The following SSC5D variants were observed in gnomAD, a reference collection of about 807,000 sequenced individuals.
SSC5D encodes scavenger receptor cysteine rich family member with 5 domains.
SSC5D carries 106 observed loss-of-function variants against 104.6 expected under a neutral mutation model. That is an observed-to-expected ratio of 1.01 (90% CI 0.87 to 1.19). The LOEUF (loss-of-function observed/expected upper bound fraction) is 1.19. SSC5D is among the 50% of genes most tolerant of loss of function. SSC5D has a pLI of 0.00. For missense variants in SSC5D, 1,993 were observed against 2,153.8 expected (o/e 0.93, Z 1.48); for synonymous variants, 860 against 883.5 (o/e 0.97, Z 0.47).
rs1987962616 is a variant in SSC5D, at chr19:55,518,976, G to C, written c.4700G>C (p.Arg1567Thr). The C allele has an allele frequency of 6.5e-7, 1 of 1,550,242 alleles. No homozygotes were observed. The highest frequency in any genetic ancestry group is 1.2e-5 in the South Asian group (1 of 84,060). The change falls in exon 14 of 14, where the codon AGA becomes ACA. Residue 1567 changes from arginine to threonine, a missense_variant. Transcript: ENST00000389623. ...PTTTTPEEEE[R>T]PLRGDV ...ACCACTACCCCAGAGGAAGAAGAAA[G>C]ACCCCTGAGGGGAGACGTGTGACCC... is the stretch of plus-strand genomic sequence containing the variant.
At position 55,518,639 on chromosome 19, in the gene SSC5D, G is replaced by A; in HGVS notation, c.4363G>A (p.Asp1455Asn). The A allele has an allele frequency of 6.9e-7, 1 of 1,445,858 alleles. No homozygotes were observed. The highest frequency in any genetic ancestry group is 1.3e-5 in the South Asian group (1 of 75,162). The allele number at this position is 1,445,858 out of a possible 1,614,324, so 89.6% of individuals were successfully genotyped here. ...TAHPLDHPPLDPLTLGPTPGQ... is the reference protein window; with the variant it reads ...TAHPLDHPPLNPLTLGPTPGQ... Reference sequence around the variant, plus strand: ...CCACCCCTTGGATCATCCTCCCCTTGACCCCCTCACCCTAGGGCCAACTCC... The same window carrying A: ...CCACCCCTTGGATCATCCTCCCCTTAACCCCCTCACCCTAGGGCCAACTCC... The change falls in exon 14 of 14, where the codon GAC becomes AAC. Residue 1455 changes from aspartate to asparagine, a missense_variant. By Grantham distance (23) the Asp-to-Asn change is conservative (BLOSUM62 1). Around this residue, in one of 6 missense-constraint regions of SSC5D, gnomAD observed 349 missense variants for 397.6 expected, o/e 0.88. Transcript: ENST00000389623.
At chr19:55,491,854 C>T (rs1025485341) in intron 6 of SSC5D, 1 of 152,386 alleles carries the variant, frequency 6.6e-6, no homozygotes, top group Non-Finnish European at 1.5e-5. Context: ...CGGCAGGCCC[C>T]ACCCTGCTGG....
In SSC5D at chr19:55,489,973, G is replaced by A. The variant is rs745431604; in HGVS notation, c.453G>A (p.Thr151=). 7.8e-5 allele frequency: 121 copies of A among 1,549,000 alleles called. No homozygotes were observed. Among genetic ancestry groups the A allele is most frequent in the Non-Finnish European group, 9.5e-5 (109 of 1,146,476 alleles). The part of the protein sequence containing the change: ...PGLLLELSPS[T]EEPLVTHAPR... Reference sequence around the variant, plus strand: ...TGTTGCTGGAGCTGAGCCCCAGCACGGAGGAGCCCCTGGTGACACATGGTG... The same window carrying A: ...TGTTGCTGGAGCTGAGCCCCAGCACAGAGGAGCCCCTGGTGACACATGGTG... The change falls in exon 4 of 14, where the codon ACG becomes ACA. Residue 151 remains threonine, a synonymous_variant. Coordinates refer to ENST00000389623, the MANE Select transcript of SSC5D (RefSeq NM_001144950.2).
Position 55,489,983 on chromosome 19 carries a change from C to T in SSC5D, c.463C>T (p.Leu155=). The stretch of plus-strand genomic sequence containing the variant: ...GCTGAGCCCCAGCACGGAGGAGCCC[C>T]TGGTGACACATGGTGAGCCCAGGGG... ...LELSPSTEEP[L]VTHAPRPAGN... is the part of the protein sequence containing the mutation. The change falls in exon 4 of 14, where the codon CTG becomes TTG. Residue 155 remains leucine, a synonymous_variant. Transcript: ENST00000389623. The T allele has an allele frequency of 6.5e-7, 1 of 1,549,246 alleles. No individual in the cohort carries two copies. The highest frequency in any genetic ancestry group is 8.7e-7 in the Non-Finnish European group (1 of 1,146,478).
At chr19:55,491,510 C>G (rs1326607874) in intron 6 of SSC5D, 1 of 164,440 alleles carries the variant, frequency 6.1e-6, no homozygotes, top group African/African-American at 2.4e-5. Context: ...CTGCTCCTTC[C>G]CCATCCTCAA....
In SSC5D at chr19:55,501,210, C is replaced by T. The variant is rs769329996; in HGVS notation, c.2785+9C>T. 4 of 1,508,360 alleles carry T rather than the reference C, an allele frequency of 2.7e-6. No individual in the cohort carries two copies. Among genetic ancestry groups the T allele is most frequent in the African/African-American group, 1.4e-5 (1 of 71,142 alleles). 93.4% of individuals were successfully genotyped at this position (1,508,360 alleles called of 1,614,324 possible). A position where few individuals can be genotyped will look rare whatever the true frequency, so the allele number is the denominator to read the frequency against. On this transcript the variant is annotated intron_variant, in intron 12 of 13. Coordinates refer to ENST00000389623, the MANE Select transcript of SSC5D (RefSeq NM_001144950.2). The stretch of plus-strand genomic sequence containing the variant: ...GCGCCTGCCGGACACAGGTGAGAGG[C>T]CTGATTGGGGTGGCCATGGAGGGCC...
At position 55,495,901 on chromosome 19, in the gene SSC5D, ATTTTT is replaced by A. The variant is rs36109915; in HGVS notation, c.1387+1136_1387+1140del. ...CAGCTGCATGCCACCGAGCCTGGCT[ATTTTT>A]TTTTTTTTTTTTTTTTTGTAGAGAC... On this transcript the variant is annotated intron_variant, in intron 8 of 13. Transcript: ENST00000389623. Among the ~76,000 whole-genome samples the A allele has an allele frequency of 3.0e-3, 300 of 98,702 alleles. 2 individuals are homozygous for A. Among genetic ancestry groups the A allele is most frequent in the African/African-American group, 0.012 (294 of 24,494 alleles). The allele number at this position is 98,702 out of a possible 152,430, so 64.8% of individuals were successfully genotyped here.
chr19:55,504,858 G>C (rs1368899153), intron 12 of SSC5D, among the ~76,000 whole-genome samples: 3 of 152,168 alleles, frequency 2.0e-5, no homozygotes, highest in Admixed American at 6.5e-5. Flanking sequence ...TGGAACGAGA[G>C]CTCACCTAGT....
At chr19:55,510,448 A>G (rs534516320) in intron 12 of SSC5D, among the ~76,000 whole-genome samples, 62 of 152,340 alleles carry the variant, frequency 4.1e-4, no homozygotes, top group South Asian at 1.4e-3. Context: ...TCCCAGGTTC[A>G]AGTGATTTTC....
chr19:55,518,486 C>A lies in SSC5D; in HGVS notation c.4210C>A (p.Pro1404Thr). ...SRSSTATSMD[P>T]LSTEDFKPPR... ...GTCCTCCACAGCCACAAGCATGGACCCACTGTCCACTGAGGACTTCAAGCC... is the reference window on the plus strand; with the variant it reads ...GTCCTCCACAGCCACAAGCATGGACACACTGTCCACTGAGGACTTCAAGCC... Residue 1404 changes from proline to threonine, a missense_variant, in exon 14 of 14, where the codon CCA becomes ACA. Transcript: ENST00000389623. 1 of 1,551,388 alleles carries A rather than the reference C, an allele frequency of 6.4e-7. No individual in the cohort carries two copies. The highest frequency in any genetic ancestry group is 8.7e-7 in the Non-Finnish European group (1 of 1,146,948).
intron 4 of SSC5D, 114 bp downstream of exon 4, chr19:55,490,109 G>C (rs111612647): frequency 6.3e-5 from 32 of 506,882 alleles, no homozygotes; most frequent in Middle Eastern, 5.3e-4. Context: ...TGCCCCCACC[G>C]AGGGGAGAGG....
At chr19:55,504,978 G>A (rs893403827) in intron 12 of SSC5D, among the ~76,000 whole-genome samples, 1 of 152,124 alleles carries the variant, frequency 6.6e-6, no homozygotes, top group African/African-American at 2.4e-5. Context: ...TAGGAGCCAC[G>A]ATTATAACCT....
At chr19:55,489,834 G>A (rs927380627) in intron 3 of SSC5D, 48 bp from the exon 4 acceptor site, 1 of 1,525,052 alleles carries the variant, frequency 6.6e-7, no homozygotes, top group African/African-American at 1.4e-5. Context: ...AAATGGCCTG[G>A]ATTCCCCTCC....
intron 2 of SSC5D, 161 bp downstream of exon 2, chr19:55,489,193 C>A: frequency 9.9e-7 from 1 of 1,007,468 alleles, no homozygotes; most frequent in South Asian, 1.9e-5. Context: ...TGTCTGGCCG[C>A]ATCTCTCTGA....
At chr19:55,508,242 C>G (rs1987681125) in intron 12 of SSC5D, among the ~76,000 whole-genome samples, 1 of 152,144 alleles carries the variant, frequency 6.6e-6, no homozygotes, top group African/African-American at 2.4e-5. Flanking sequence ...CCACTGCCAG[C>G]TGGGAAGCCG....
intron 2 of SSC5D, 96 bp downstream of exon 2, chr19:55,489,128 C>A (rs575050814): frequency 1.0e-6 from 1 of 961,302 alleles, no homozygotes; most frequent in Non-Finnish European, 1.5e-6. Flanking sequence ...GGGTCCCCGG[C>A]CCATCCGAAT....
In SSC5D at chr19:55,500,591, G is replaced by C; in HGVS notation, c.2404G>C (p.Asp802His). Residue 802 changes from aspartate to histidine, a missense_variant, in exon 11 of 14, where the codon GAC (aspartate) becomes CAC (histidine). Coordinates refer to ENST00000389623, the MANE Select transcript of SSC5D (RefSeq NM_001144950.2). This position sits in a 1 kb window ranked among gnomAD's most constrained non-coding sequence, Gnocchi z 4.6. ...RWGTVCDDNW[D>H]LRDATVACWE... ...GGGAACAGTGTGTGATGACAACTGG[G>C]ACCTGCGGGACGCCACTGTGGCCTG... 6.4e-7 allele frequency: 1 copy of C among 1,551,762 alleles called. No homozygotes were observed. The highest frequency in any genetic ancestry group is 2.0e-5 in the Admixed American group (1 of 51,010).
rs1251880118 is a variant in SSC5D, at chr19:55,493,748, C to T, written c.1049C>T (p.Ala350Val). The change falls in exon 7 of 14, where the codon GCG becomes GTG. Residue 350 changes from alanine to valine, a missense_variant. Ala to Val is a moderately conservative substitution (Grantham distance 64). Around this residue, in one of 6 missense-constraint regions of SSC5D, gnomAD observed 1,101 missense variants for 1,085.0 expected, o/e 1.01. Transcript: ENST00000389623. ...VACRELGCGG[A>V]LAAPGGAFFG... ...TGCCGAGAGCTGGGCTGCGGAGGGG[C>T]GCTGGCCGCCCCCGGGGGCGCCTTC... is the stretch of plus-strand genomic sequence containing the variant. 3 of 1,525,280 alleles carry T rather than the reference C, an allele frequency of 2.0e-6. No homozygotes were observed. The highest frequency in any genetic ancestry group is 1.8e-6 in the Non-Finnish European group (2 of 1,137,738). The allele number at this position is 1,525,280 out of a possible 1,614,324, so 94.5% of individuals were successfully genotyped here. A position where few individuals can be genotyped will look rare whatever the true frequency, so the allele number is the denominator to read the frequency against.
rs1215994229 is a variant in SSC5D, at chr19:55,494,776, G to A, written c.1380G>A (p.Pro460=). The change falls in exon 8 of 14, where the codon CCG becomes CCA. Residue 460 remains proline, a synonymous_variant. Transcript: ENST00000389623. ...CTACTGTCCTTTGGGAGCCTGGACC[G>A]GAAGCCGGTGAGTCCCTCCATGCTC... ...ASPTVLWEPG[P]EAGSPQLRLV... 1.3e-5 allele frequency: 20 copies of A among 1,541,370 alleles called. No homozygotes were observed. Among genetic ancestry groups the A allele is most frequent in the Middle Eastern group, 1.7e-4 (1 of 5,944 alleles).
Sources: gnomAD v4.1 joint callset for allele counts (sites outside exome capture counted in the v4.1 genomes callset) on GRCh38, gnomAD v4.1.1 for gene constraint, gnomAD v4.1.1 regional missense constraint, Gnocchi (gnomAD v3.1) non-coding constraint, MANE v1.5 for transcripts, NCBI Gene and HGNC (gene_info 2026-07-23, HGNC 2026-07-21) for gene names.